Variants in KCNH7 observed in about 807,000 individuals in gnomAD.
The protein encoded by KCNH7 is potassium voltage-gated channel subfamily H member 7, also known as voltage-gated inwardly rectifying potassium channel KCNH7.
A neutral mutation model predicts 120.8 loss-of-function variants in KCNH7; 49 were observed. The ratio of observed to expected loss-of-function variants is 0.41; its 90% CI spans 0.32 to 0.51. KCNH7 has a LOEUF of 0.51. Among genes scored for constraint, KCNH7 ranks in the 20% least tolerant of loss-of-function variants. The pLI, the probability that KCNH7 is intolerant of heterozygous loss-of-function variation, is 0.38. For synonymous variants in KCNH7, 547 were observed against 516.1 expected (o/e 1.06, Z -0.81); for missense variants, 1,097 against 1,446.6 (o/e 0.76, Z 3.92).
At chr2:162,402,122 G>A (rs980194774) in intron 9 of KCNH7, among the ~76,000 whole-genome samples, 1 of 151,274 alleles carries the variant, frequency 6.6e-6, no homozygotes, top group Admixed American at 6.6e-5. Context: ...CTACATGACT[G>A]GACTCCTTCC....
intron 2 of KCNH7, among the ~76,000 whole-genome samples, chr2:162,551,580 A>T (rs1692669559): frequency 6.6e-6 from 1 of 152,160 alleles, no homozygotes; most frequent in Non-Finnish European, 1.5e-5. Context: ...AAATATGATC[A>T]CATCACTGAG....
At chr2:162,548,214 A>G (rs1334879478) in intron 2 of KCNH7, among the ~76,000 whole-genome samples, 4 of 152,174 alleles carry the variant, frequency 2.6e-5, no homozygotes, top group Admixed American at 2.6e-4. Context: ...AGCATTGTCC[A>G]GCTTTAGTGG....
At chr2:162,432,149 G>GC (rs1462736315) in intron 8 of KCNH7, among the ~76,000 whole-genome samples, 4 of 151,904 alleles carry the variant, frequency 2.6e-5, no homozygotes, top group African/African-American at 9.7e-5. Flanking sequence ...TGATACCTAT[G>GC]CCACTAAAGC....
chr2:162,564,219 A>C (rs1243368398), intron 2 of KCNH7, among the ~76,000 whole-genome samples: 2 of 152,114 alleles, frequency 1.3e-5, no homozygotes, highest in Non-Finnish European at 2.9e-5. Context: ...ATTATTAAAA[A>C]AATCTCCTGC....
chr2:162,528,544 T>C (rs960501510), intron 3 of KCNH7, among the ~76,000 whole-genome samples: 2 of 151,968 alleles, frequency 1.3e-5, no homozygotes, highest in Admixed American at 1.3e-4. Context: ...ATAAAGTGAA[T>C]GGTAGCTTCA....
intron 2 of KCNH7, among the ~76,000 whole-genome samples, chr2:162,550,886 GATA>G (rs34251777): frequency 0.15 from 22,342 of 147,810 alleles, 2,435 homozygotes; most frequent in African/African-American, 0.31. Flanking sequence ...AACTAGGCTA[GATA>G]ATAATAATAA....
rs1247314761 is a variant in KCNH7 at position 162,371,870 on chromosome 2, G to GC, written c.3549_3550insG (p.Leu1184AlafsTer3). ...CCAGGATCAGAAACATGCCTATGAA[G>GC]ACCCACGATTCCTACAGTGCTTAGG... On this transcript the variant is annotated frameshift_variant, in exon 16 of 16. Coordinates refer to ENST00000332142, the MANE Select transcript of KCNH7 (RefSeq NM_033272.4). LOFTEE classifies it high-confidence loss of function. 6.2e-7 allele frequency: 1 copy of GC among 1,613,012 alleles called. No individual in the cohort carries two copies. The highest frequency in any genetic ancestry group is 8.5e-7 in the Non-Finnish European group (1 of 1,179,228).
In KCNH7 at chr2:162,695,046, G is replaced by A. The variant is rs531217010; in HGVS notation, c.307+141491C>T. ...GTGAGAAAGTGCTGGGATTGCAGGC[G>A]TGAGCCACTGCACCAGGCCTAGAAA... On this transcript the variant is annotated intron_variant, in intron 2 of 15. Coordinates refer to ENST00000332142, the MANE Select transcript of KCNH7 (RefSeq NM_033272.4). Among the ~76,000 whole-genome samples the A allele has an allele frequency of 1.3e-4, 20 of 152,088 alleles. 1 individual carries two copies. Among genetic ancestry groups the A allele is most frequent in the Non-Finnish European group, 1.9e-4 (13 of 68,004 alleles).
At chr2:162,560,838 A>G (rs1693036346) in intron 2 of KCNH7, among the ~76,000 whole-genome samples, 1 of 152,196 alleles carries the variant, frequency 6.6e-6, no homozygotes, top group Non-Finnish European at 1.5e-5. Context: ...AGAGTTACAG[A>G]AAATTAATGG....
At chr2:162,782,374 C>T (rs1488489496) in intron 2 of KCNH7, among the ~76,000 whole-genome samples, 4 of 152,026 alleles carry the variant, frequency 2.6e-5, no homozygotes, top group Admixed American at 1.3e-4. Context: ...TCTGAGAAGT[C>T]GACATTTGAA....
chr2:162,546,321 A>G (rs1692476045), intron 2 of KCNH7, among the ~76,000 whole-genome samples: 1 of 152,014 alleles, frequency 6.6e-6, no homozygotes, highest in Non-Finnish European at 1.5e-5. Flanking sequence ...CTTTTTTTTT[A>G]ATGCCCAAGC....
intron 2 of KCNH7, among the ~76,000 whole-genome samples, chr2:162,658,133 G>C (rs919024510): frequency 2.6e-5 from 4 of 151,430 alleles, no homozygotes; most frequent in Non-Finnish European, 4.4e-5. Context: ...ACCAGGAAGG[G>C]GGTGCTTACC....
chr2:162,786,647 A>G (rs1378658082), intron 2 of KCNH7, among the ~76,000 whole-genome samples: 1 of 152,248 alleles, frequency 6.6e-6, no homozygotes, highest in Non-Finnish European at 1.5e-5. Flanking sequence ...AATTAAAAAA[A>G]ATTCTAAATG....
intron 3 of KCNH7, among the ~76,000 whole-genome samples, chr2:162,520,653 G>A (rs779648890): frequency 6.6e-6 from 1 of 151,714 alleles, no homozygotes; most frequent in Admixed American, 6.6e-5. Context: ...CCTGTAGTCC[G>A]AGCCAGTCGG....
chr2:162,413,198 G>A (rs930130532), intron 9 of KCNH7, among the ~76,000 whole-genome samples: 1 of 151,692 alleles, frequency 6.6e-6, no homozygotes, highest in Admixed American at 6.6e-5. Context: ...GGCATGATTT[G>A]GCTCACCTTA....
intron 9 of KCNH7, among the ~76,000 whole-genome samples, chr2:162,414,382 A>T (rs1687479947): frequency 6.6e-6 from 1 of 151,778 alleles, no homozygotes; most frequent in Non-Finnish European, 1.5e-5. Flanking sequence ...TGAAGCCATT[A>T]ATACAAGAGA....
At chr2:162,483,902 AT>A (rs1690009376) in intron 6 of KCNH7, among the ~76,000 whole-genome samples, 1 of 152,134 alleles carries the variant, frequency 6.6e-6, no homozygotes, top group African/African-American at 2.4e-5. Context: ...AGCTGTTGAA[AT>A]TTTGTCAGTC....
At chr2:162,696,329 G>T (rs764766527) in intron 2 of KCNH7, among the ~76,000 whole-genome samples, 1 of 152,114 alleles carries the variant, frequency 6.6e-6, no homozygotes, top group Non-Finnish European at 1.5e-5. Context: ...AGGATAAGTA[G>T]TATTGCTATT....
chr2:162,837,631 T>C (rs1017170959), intron 1 of KCNH7, among the ~76,000 whole-genome samples: 3 of 152,178 alleles, frequency 2.0e-5, no homozygotes, highest in Non-Finnish European at 4.4e-5. Context: ...TGTATTAATA[T>C]AGTTTTAAGA....
Sources: allele counts gnomAD v4.1 joint callset (sites outside exome capture counted in the v4.1 genomes callset), GRCh38; gene constraint gnomAD v4.1.1; transcripts MANE v1.5; gene names NCBI Gene and HGNC (gene_info 2026-07-23, HGNC 2026-07-21).